The following RNLS variants were observed in gnomAD, a reference collection of about 807,000 sequenced individuals.
RNLS encodes the protein renalase.
RNLS carries 39 observed loss-of-function variants against 39.8 expected under a neutral mutation model. The observed-to-expected ratio is 0.98, with a 90% confidence interval of 0.76 to 1.28. RNLS has a LOEUF of 1.28. Ranked by LOEUF, RNLS falls within the 50% of genes most tolerant of loss-of-function variation. RNLS has a pLI of 0.00. For missense variants in RNLS, 410 were observed against 413.3 expected, an observed-to-expected ratio of 0.99 and a Z score of 0.07; for synonymous variants, 147 against 150.7, an observed-to-expected ratio of 0.98 and a Z score of 0.18.
intron 4 of RNLS, among the ~76,000 whole-genome samples, chr10:88,401,277 A>G (rs2133640383): frequency 6.6e-6 from 1 of 152,170 alleles, no homozygotes; most frequent in African/African-American, 2.4e-5. Context: ...TAAATACAGT[A>G]AACATATTCT....
intron 4 of RNLS, among the ~76,000 whole-genome samples, chr10:88,488,064 A>T (rs944194984): frequency 6.6e-6 from 1 of 152,164 alleles, no homozygotes; most frequent in Non-Finnish European, 1.5e-5. Flanking sequence ...TTACCTGAGG[A>T]TGCAAGGGCT....
the RNLS span, among the ~76,000 whole-genome samples, chr10:88,203,437 C>CGT: frequency 4.4e-4 from 1 of 2,260 alleles, no homozygotes; most frequent in African/African-American, 3.5e-3. Context: ...TATATATATA[C>CGT]GTGTGTGTGT....
chr10:88,249,114 G>A, the RNLS span, among the ~76,000 whole-genome samples: 2 of 152,334 alleles, frequency 1.3e-5, no homozygotes, highest in East Asian at 3.9e-4. Context: ...TATGCCAATG[G>A]AAGGCAATAG....
intron 6 of RNLS, among the ~76,000 whole-genome samples, chr10:88,310,814 AAAAAAAAAAAAAAG>A (rs950879334): frequency 6.9e-5 from 10 of 144,948 alleles, no homozygotes; most frequent in African/African-American, 2.7e-4. Context: ...AAAAAAAAAA[AAAAAAAAAAAAAAG>A]AAAGAAAAGG....
intron 4 of RNLS, among the ~76,000 whole-genome samples, chr10:88,387,696 T>C (rs1046096501): frequency 1.3e-5 from 2 of 152,126 alleles, no homozygotes; most frequent in African/African-American, 4.8e-5. Flanking sequence ...GTCACCCAGC[T>C]AGTAAGAAAA....
chr10:88,380,083 G>C (rs1851329481), intron 4 of RNLS, among the ~76,000 whole-genome samples: 1 of 152,148 alleles, frequency 6.6e-6, no homozygotes, highest in Admixed American at 6.5e-5. Context: ...AAAGTTTGGA[G>C]TGGCTTGTCA....
chr10:88,300,461 T>C (rs1844433651), intron 6 of RNLS, among the ~76,000 whole-genome samples: 2 of 152,342 alleles, frequency 1.3e-5, no homozygotes, highest in Admixed American at 6.5e-5. Flanking sequence ...AAAAAGTACA[T>C]GTGTTCTTGG....
chr10:88,226,338 G>C, the RNLS span, among the ~76,000 whole-genome samples: 2 of 152,100 alleles, frequency 1.3e-5, no homozygotes, highest in East Asian at 3.8e-4. Flanking sequence ...TGCAATTAAC[G>C]TCTATCCCAA....
the RNLS span, among the ~76,000 whole-genome samples, chr10:88,178,765 A>G: frequency 6.6e-6 from 1 of 152,204 alleles, no homozygotes; most frequent in East Asian, 1.9e-4. Context: ...GATCCAGACT[A>G]CTGTTCTGCC....
intron 4 of RNLS, among the ~76,000 whole-genome samples, chr10:88,387,767 A>G (rs1851957907): frequency 2.0e-5 from 3 of 152,130 alleles, no homozygotes; most frequent in Non-Finnish European, 4.4e-5. Context: ...TGTTGTGGAG[A>G]TAATGATTTA....
chr10:88,525,768 T>C (rs1038716873), intron 4 of RNLS, among the ~76,000 whole-genome samples: 1 of 152,164 alleles, frequency 6.6e-6, no homozygotes, highest in Non-Finnish European at 1.5e-5. Flanking sequence ...GACTAGAGTA[T>C]TGCTGTGGGG....
the RNLS span, among the ~76,000 whole-genome samples, chr10:88,254,399 T>C: frequency 3.6e-3 from 541 of 152,330 alleles, 1 homozygote; most frequent in African/African-American, 0.012. Flanking sequence ...TCTTTTTGGG[T>C]AGCTGAACCT....
At chr10:88,536,608 C>T (rs895140886) in intron 4 of RNLS, among the ~76,000 whole-genome samples, 1 of 152,314 alleles carries the variant, frequency 6.6e-6, no homozygotes, top group East Asian at 1.9e-4. Context: ...TCAGCCTGCT[C>T]TGCGTCACAC....
chr10:88,445,770 T>C (rs550294738), intron 4 of RNLS, among the ~76,000 whole-genome samples: 2 of 152,348 alleles, frequency 1.3e-5, no homozygotes, highest in Admixed American at 6.5e-5. Flanking sequence ...CTAACTATCC[T>C]AAATATACAT....
the RNLS span, among the ~76,000 whole-genome samples, chr10:88,203,223 A>AGTGTGT: frequency 2.7e-4 from 3 of 11,244 alleles, 1 homozygote; most frequent in Admixed American, 8.4e-4. Context: ...GATAGCAAAA[A>AGTGTGT]GTGTGTGTGT....
At chr10:88,445,489 C>T (rs910925783) in intron 4 of RNLS, among the ~76,000 whole-genome samples, 16 of 152,260 alleles carry the variant, frequency 1.1e-4, no homozygotes, top group African/African-American at 3.4e-4. Flanking sequence ...TGTAAATGGG[C>T]TAAATGCTCC....
At chr10:88,427,416 G>A (rs1854851322) in intron 4 of RNLS, among the ~76,000 whole-genome samples, 1 of 151,998 alleles carries the variant, frequency 6.6e-6, no homozygotes, top group African/African-American at 2.4e-5. Flanking sequence ...CTCCATCCAA[G>A]GGTGGACAAT....
chr10:88,365,171 C>T (rs1344762558), intron 4 of RNLS, among the ~76,000 whole-genome samples: 3 of 151,908 alleles, frequency 2.0e-5, no homozygotes, highest in Non-Finnish European at 2.9e-5. Context: ...CAATTCATTC[C>T]GAGAACAGGG....
intron 4 of RNLS, among the ~76,000 whole-genome samples, chr10:88,422,026 G>GT (rs1464280485): frequency 6.6e-6 from 1 of 152,136 alleles, no homozygotes; most frequent in East Asian, 1.9e-4. Flanking sequence ...GGTTGTGTTG[G>GT]TTTTTTAAGA....
Sources: allele counts gnomAD v4.1 joint callset (sites outside exome capture counted in the v4.1 genomes callset), GRCh38; gene constraint gnomAD v4.1.1; transcripts MANE v1.5; gene names NCBI Gene and HGNC (gene_info 2026-07-23, HGNC 2026-07-21).